The following ATRNL1 variants were observed in gnomAD, a reference collection of about 807,000 sequenced individuals.
The protein encoded by ATRNL1 is attractin-like protein 1.
In ATRNL1, 95 loss-of-function variants were observed where a neutral mutation model predicts 182.7. The ratio of observed to expected loss-of-function variants is 0.52; its 90% CI spans 0.44 to 0.62. The LOEUF is 0.62. ATRNL1 is among the 20% of genes least tolerant of loss of function. The pLI, the probability that ATRNL1 is intolerant of heterozygous loss-of-function variation, is 0.00. For synonymous variants in ATRNL1, 576 were observed against 568.3 expected (o/e 1.01, Z -0.19); for missense variants, 1,471 against 1,679.5 (o/e 0.88, Z 2.17).
chr10:115,895,124 T>C (rs1208880369), intron 28 of ATRNL1, among the ~76,000 whole-genome samples: 2 of 152,174 alleles, frequency 1.3e-5, no homozygotes, highest in Non-Finnish European at 2.9e-5. Context: ...TTGGTAATGC[T>C]CTCTTGGTTC....
In ATRNL1 at chr10:115,946,141, G is replaced by A. The variant is rs1953872114; in HGVS notation, c.*1362G>A. On this transcript the variant is annotated 3_prime_UTR_variant, in exon 29 of 29. Transcript: ENST00000355044. ...AGTGACAGAAATCTCCAAAGCTGCT[G>A]TATATGATATAGCTTTGTTAAATAT... The A allele has an allele frequency of 6.6e-6, 1 of 152,166 alleles. No homozygotes were observed. Among genetic ancestry groups the A allele is most frequent in the Non-Finnish European group, 1.5e-5 (1 of 68,020 alleles). The allele number at this position is 152,166 out of a possible 1,614,324, so 9.4% of individuals were successfully genotyped here.
intron 28 of ATRNL1, among the ~76,000 whole-genome samples, chr10:115,907,537 A>G (rs1490799807): frequency 6.6e-6 from 1 of 152,222 alleles, no homozygotes; most frequent in Non-Finnish European, 1.5e-5. Context: ...CCTTAATTTA[A>G]TAGCTACAAC....
At chr10:115,534,731 G>A (rs1363705026) in intron 25 of ATRNL1, among the ~76,000 whole-genome samples, 24 of 151,656 alleles carry the variant, frequency 1.6e-4, no homozygotes, top group Non-Finnish European at 3.5e-4. Context: ...GCATGATTTT[G>A]TAGCAGCTGG....
At chr10:115,397,724 A>G (rs1231308741) in intron 20 of ATRNL1, among the ~76,000 whole-genome samples, 2 of 151,988 alleles carry the variant, frequency 1.3e-5, no homozygotes, top group African/African-American at 2.4e-5. Flanking sequence ...CAATAAAAGC[A>G]AAGAAGTAGA....
intron 20 of ATRNL1, among the ~76,000 whole-genome samples, chr10:115,417,213 C>G (rs544250794): frequency 6.6e-6 from 1 of 152,316 alleles, no homozygotes; most frequent in East Asian, 1.9e-4. Flanking sequence ...TCTAAGGGGT[C>G]TAGGAGCAAT....
intron 28 of ATRNL1, among the ~76,000 whole-genome samples, chr10:115,892,879 A>G (rs1053451285): frequency 1.3e-5 from 2 of 152,262 alleles, no homozygotes; most frequent in African/African-American, 2.4e-5. Context: ...TAAATGTTCC[A>G]TAAGTTGATA....
At chr10:115,113,186 T>C (rs1318404275) in intron 1 of ATRNL1, among the ~76,000 whole-genome samples, 1 of 152,212 alleles carries the variant, frequency 6.6e-6, no homozygotes, top group Non-Finnish European at 1.5e-5. Flanking sequence ...GTTGACTTTC[T>C]GGATGGCCAA....
At chr10:115,664,812 TACTTTTAA>T (rs1313597837) in intron 26 of ATRNL1, among the ~76,000 whole-genome samples, 1 of 152,162 alleles carries the variant, frequency 6.6e-6, no homozygotes, top group Non-Finnish European at 1.5e-5. Context: ...TTTTAATGCT[TACTTTTAA>T]ATTTACCTAA....
At chr10:115,882,619 G>A (rs1256926556) in intron 28 of ATRNL1, among the ~76,000 whole-genome samples, 1 of 152,114 alleles carries the variant, frequency 6.6e-6, no homozygotes, top group Admixed American at 6.5e-5. Context: ...CTCCTTGTAG[G>A]CAGTGTTACA....
chr10:115,505,285 GGCATCC>G (rs368344697), intron 24 of ATRNL1, among the ~76,000 whole-genome samples: 106,509 of 151,866 alleles, frequency 0.7, 38,468 homozygotes, highest in African/African-American at 0.79. Context: ...AGACTAGCAT[GGCATCC>G]ATGCTTTTAC....
intron 19 of ATRNL1, among the ~76,000 whole-genome samples, chr10:115,389,496 G>A (rs1477641349): frequency 1.2e-4 from 7 of 56,384 alleles, no homozygotes; most frequent in Non-Finnish European, 1.5e-4. Flanking sequence ...CCGAGACTCC[G>A]TCTCAAAAAA....
rs543470510 is a variant in ATRNL1 at position 115,260,268 on chromosome 10, A to G, written c.1688-4925A>G. On this transcript the variant is annotated intron_variant, in intron 10 of 28. Transcript: ENST00000355044. ...ATTTTGTAAACAGTGGGATTAAATG[A>G]AAGTATACATACTTAAGAGTGAAAC... 3.9e-5 allele frequency among the ~76,000 whole-genome samples: 6 copies of G among 152,354 alleles called. No homozygotes were observed. In the East Asian group the frequency reaches 1.2e-3, roughly 29 times the overall value.
chr10:115,213,475 G>A (rs1291654855), intron 8 of ATRNL1, among the ~76,000 whole-genome samples: 1 of 152,084 alleles, frequency 6.6e-6, no homozygotes, highest in Non-Finnish European at 1.5e-5. Context: ...AAGGATGGGG[G>A]TTGAGAAGTG....
At chr10:115,585,527 C>T (rs1855459729) in intron 26 of ATRNL1, among the ~76,000 whole-genome samples, 1 of 117,686 alleles carries the variant, frequency 8.5e-6, no homozygotes, top group African/African-American at 3.5e-5. Context: ...CTCTTTTGAT[C>T]TTTGTTGATT....
intron 27 of ATRNL1, among the ~76,000 whole-genome samples, chr10:115,790,635 T>TCA (rs1949508077): frequency 7.1e-6 from 1 of 140,082 alleles, no homozygotes; most frequent in African/African-American, 2.6e-5. Flanking sequence ...TAACTTGACT[T>TCA]AAAAAAAAAA....
chr10:115,468,034 A>T (rs187892682), intron 23 of ATRNL1, among the ~76,000 whole-genome samples: 1 of 150,898 alleles, frequency 6.6e-6, no homozygotes, highest in Non-Finnish European at 1.5e-5. Flanking sequence ...GTAGAATATT[A>T]TGGATACATA....
intron 24 of ATRNL1, among the ~76,000 whole-genome samples, chr10:115,491,238 A>C (rs551255861): frequency 6.2e-4 from 94 of 152,230 alleles, no homozygotes; most frequent in Non-Finnish European, 1.1e-3. Flanking sequence ...GACCCACTTG[A>C]GGCCGTCTGT....
chr10:115,176,062 G>A (rs1324165104), intron 8 of ATRNL1, among the ~76,000 whole-genome samples: 1 of 152,182 alleles, frequency 6.6e-6, no homozygotes, highest in African/African-American at 2.4e-5. Flanking sequence ...GATGGCCAGT[G>A]ATGATGAGCA....
intron 25 of ATRNL1, among the ~76,000 whole-genome samples, chr10:115,529,663 C>T (rs34697683): frequency 0.34 from 51,340 of 151,854 alleles, 10,171 homozygotes; most frequent in Non-Finnish European, 0.45. Context: ...CCTCCTGAAT[C>T]ATATAGGAGA....
Sources: allele counts gnomAD v4.1 joint callset (sites outside exome capture counted in the v4.1 genomes callset), GRCh38; gene constraint gnomAD v4.1.1; transcripts MANE v1.5; gene names NCBI Gene and HGNC (gene_info 2026-07-23, HGNC 2026-07-21).